Variants in SYNE2 observed in about 807,000 individuals in gnomAD.
SYNE2 encodes the protein nesprin-2.
A neutral mutation model predicts 856.3 loss-of-function variants in SYNE2; 431 were observed. The observed-to-expected ratio is 0.50, with a 90% confidence interval of 0.47 to 0.55. The LOEUF (loss-of-function observed/expected upper bound fraction) is 0.55, where lower values mean the gene tolerates loss of function less well. Among genes scored for constraint, SYNE2 ranks in the 20% least tolerant of loss-of-function variants. The probability of loss-of-function intolerance (pLI) is 0.00; values close to 1 mark genes in which losing one functional copy is unlikely to be tolerated. For missense variants in SYNE2, 8,129 were observed against 8,023.2 expected (o/e 1.01, Z -0.50); for synonymous variants, 2,923 against 2,872.3 (o/e 1.02, Z -0.56).
intron 51 of SYNE2, among the ~76,000 whole-genome samples, chr14:64,067,611 A>G (rs919492493): frequency 6.6e-5 from 10 of 152,256 alleles, no homozygotes; most frequent in Non-Finnish European, 1.5e-5. Context: ...TAGTAACATA[A>G]TAATCCAGTG....
intron 1 of SYNE2, among the ~76,000 whole-genome samples, chr14:63,768,113 C>T (rs150311257): frequency 2.6e-4 from 39 of 151,976 alleles, no homozygotes; most frequent in African/African-American, 8.4e-4. Context: ...ATCGCTTGAG[C>T]CTAGGAGGTC....
intron 1 of SYNE2, among the ~76,000 whole-genome samples, chr14:63,769,695 G>A (rs1385698554): frequency 7.1e-6 from 1 of 140,318 alleles, no homozygotes; most frequent in African/African-American, 2.7e-5. Flanking sequence ...ACTCACCTGG[G>A]CAACAAGGTG....
At chr14:64,133,457 T>G (rs893141933) in intron 77 of SYNE2, among the ~76,000 whole-genome samples, 17 of 152,092 alleles carry the variant, frequency 1.1e-4, no homozygotes, top group Admixed American at 9.8e-4. Flanking sequence ...AGTCAATAAC[T>G]CAGCTCTGTG....
intron 1 of SYNE2, among the ~76,000 whole-genome samples, chr14:63,828,046 A>T (rs927634315): frequency 2.7e-5 from 4 of 150,878 alleles, no homozygotes; most frequent in African/African-American, 7.3e-5. Context: ...AAAAAAAAAA[A>T]ATTAGCCAGG....
chr14:63,995,305 C>G, intron 23 of SYNE2, 103 bp downstream of exon 23: 1 of 940,530 alleles, frequency 1.1e-6, no homozygotes, highest in Non-Finnish European at 1.7e-6. Context: ...CTGAAAATTA[C>G]CCTAGCCCTC....
At chr14:63,929,630 G>A (rs969926827) in intron 2 of SYNE2, among the ~76,000 whole-genome samples, 4 of 152,044 alleles carry the variant, frequency 2.6e-5, no homozygotes, top group African/African-American at 9.7e-5. Context: ...AATTAGCTGG[G>A]CGTGGGGGTG....
At chr14:63,960,993 G>A (rs183330842) in intron 8 of SYNE2, 499 of 510,964 alleles carry the variant, frequency 9.8e-4, no homozygotes, top group Admixed American at 2.9e-3. Flanking sequence ...AGCCTGGCCT[G>A]TAGAAGGCTT....
chr14:64,051,988 G>C lies in SYNE2; in HGVS notation c.8075G>C (p.Arg2692Thr), dbSNP rs1242012903. 1.9e-6 allele frequency: 3 copies of C among 1,613,780 alleles called. No individual in the cohort carries two copies. Among genetic ancestry groups the C allele is most frequent in the Non-Finnish European group, 2.5e-6 (3 of 1,179,992 alleles). The change falls in exon 48 of 116, where the codon AGG becomes ACG. Residue 2692 changes from arginine to threonine, a missense_variant. This residue lies in a region of SYNE2 where 5,410 missense variants were observed against 5,284.8 expected (regional missense o/e 1.02). Coordinates refer to ENST00000555002, the MANE Select transcript of SYNE2 (RefSeq NM_182914.3). The stretch of plus-strand genomic sequence containing the variant: ...GGGCAAGCTGAACTTCAGATGAAGA[G>C]GATTTGGGGAGAAAAAGAAAAGAAG... Reference protein sequence around the residue: ...LKGQAELQMKRIWGEKEKKNL... With the variant: ...LKGQAELQMKTIWGEKEKKNL...
chr14:64,016,432 A>G, intron 32 of SYNE2, 41 bp from the exon 33 acceptor site: 2 of 1,347,138 alleles, frequency 1.5e-6, no homozygotes, highest in Non-Finnish European at 2.1e-6. Flanking sequence ...CTGTTTGTCT[A>G]TATCAAAATA....
At chr14:64,025,818 A>G (rs1413066103) in intron 41 of SYNE2, among the ~76,000 whole-genome samples, 2 of 152,222 alleles carry the variant, frequency 1.3e-5, no homozygotes, top group Admixed American at 1.3e-4. Flanking sequence ...TGTATGGTTC[A>G]TAAAAGTTTA....
At chr14:63,863,508 A>G (rs1894311896) in intron 1 of SYNE2, among the ~76,000 whole-genome samples, 1 of 152,194 alleles carries the variant, frequency 6.6e-6, no homozygotes, top group Non-Finnish European at 1.5e-5. Context: ...TCATTTTAAA[A>G]TATTACTCAG....
At position 64,025,790 on chromosome 14, in the gene SYNE2, A is replaced by G. The variant is rs562738926; in HGVS notation, c.6252+369A>G. On this transcript the variant is annotated intron_variant, in intron 41 of 115. Transcript: ENST00000555002. Reference sequence around the variant, plus strand: ...AGCATCAGCAATGTCGAGGCAGGGGAGTTCTTCAGAGTGGATGTGTATGGT... The same window carrying G: ...AGCATCAGCAATGTCGAGGCAGGGGGGTTCTTCAGAGTGGATGTGTATGGT... Among the ~76,000 whole-genome samples, 439 of 152,258 alleles carry G rather than the reference A, an allele frequency of 2.9e-3. 3 individuals are homozygous for G. Among genetic ancestry groups the G allele is most frequent in the Middle Eastern group, 3.4e-3 (1 of 294 alleles).
intron 1 of SYNE2, among the ~76,000 whole-genome samples, chr14:63,836,818 C>G (rs1184610137): frequency 6.6e-6 from 1 of 152,192 alleles, no homozygotes; most frequent in East Asian, 1.9e-4. Flanking sequence ...AGATAATATT[C>G]TTCCTCTGCT....
At position 64,203,248 on chromosome 14, in the gene SYNE2, G is replaced by A. The variant is rs80133128; in HGVS notation, c.18201+285G>A. On this transcript the variant is annotated intron_variant, in intron 100 of 115. Coordinates refer to ENST00000555002, the MANE Select transcript of SYNE2 (RefSeq NM_182914.3). ...TTTTTAATTATGTCTTTTTTTAACT[G>A]ATCTTTGTTGTGTTTTGTTAATATA... 9.6e-3 allele frequency among the ~76,000 whole-genome samples: 1,462 copies of A among 152,084 alleles called. 12 individuals carry two copies. Among genetic ancestry groups the A allele is most frequent in the South Asian group, 0.022 (105 of 4,812 alleles).
chr14:64,048,172 A>G lies in SYNE2; in HGVS notation c.7377+17A>G, dbSNP rs1410615585. On this transcript the variant is annotated intron_variant, in intron 46 of 115. Coordinates refer to ENST00000555002, the MANE Select transcript of SYNE2 (RefSeq NM_182914.3). ...GAGATAGAGGTATGGAAACATAAAA[A>G]CACTGACAACATGATTGCATCATTT... The G allele has an allele frequency of 1.2e-6, 2 of 1,609,936 alleles. No individual in the cohort carries two copies. Among genetic ancestry groups the G allele is most frequent in the African/African-American group, 2.7e-5 (2 of 74,816 alleles).
At chr14:63,829,148 C>T (rs1183714582) in intron 1 of SYNE2, among the ~76,000 whole-genome samples, 1 of 152,004 alleles carries the variant, frequency 6.6e-6, no homozygotes, top group African/African-American at 2.4e-5. Flanking sequence ...CATGGTAGCT[C>T]ACACTTGTAA....
At chr14:63,834,353 A>T (rs1057148349) in intron 1 of SYNE2, among the ~76,000 whole-genome samples, 3 of 151,876 alleles carry the variant, frequency 2.0e-5, no homozygotes, top group African/African-American at 7.3e-5. Context: ...ACACAGTGAG[A>T]CTCCATCTCA....
At chr14:63,967,925 G>A (rs768837055) in intron 11 of SYNE2, 79 bp downstream of exon 11, 2 of 1,454,598 alleles carry the variant, frequency 1.4e-6, no homozygotes, top group Non-Finnish European at 1.9e-6. Context: ...CACTTTGGGA[G>A]ACCAAGGCGG....
Position 64,022,691 on chromosome 14 carries a change from C to G in SYNE2, c.5525-60C>G. ...GGGAAACAAGTTTCAAAATCTCTCACTTTAACAAGATGTATGAAGTCTTCC... is the reference window on the plus strand; with the variant it reads ...GGGAAACAAGTTTCAAAATCTCTCAGTTTAACAAGATGTATGAAGTCTTCC... On this transcript the variant is annotated intron_variant, in intron 37 of 115. Coordinates refer to ENST00000555002, the MANE Select transcript of SYNE2 (RefSeq NM_182914.3). 3.4e-6 allele frequency: 3 copies of G among 893,688 alleles called. No homozygotes were observed. The East Asian group carries it at 7.8e-5, about 23-fold the overall frequency. 55.4% of individuals were successfully genotyped at this position (893,688 alleles called of 1,614,324 possible).
Sources: allele counts gnomAD v4.1 joint callset (sites outside exome capture counted in the v4.1 genomes callset), GRCh38; gene constraint gnomAD v4.1.1; regional missense constraint gnomAD v4.1.1; transcripts MANE v1.5; gene names NCBI Gene and HGNC (gene_info 2026-07-23, HGNC 2026-07-21).